Variants in FAM241A observed in about 807,000 individuals in gnomAD.
The protein encoded by FAM241A is family with sequence similarity 241 member A.
FAM241A carries 7 observed loss-of-function variants against 12.2 expected under a neutral mutation model. That is an observed-to-expected ratio of 0.58 (90% CI 0.33 to 1.08). The LOEUF (loss-of-function observed/expected upper bound fraction) is 1.08. Ranked by LOEUF, FAM241A falls within the 50% of genes least tolerant of loss-of-function variation. FAM241A has a pLI of 0.04. For synonymous variants in FAM241A, 74 were observed against 68.2 expected, an observed-to-expected ratio of 1.08 and a Z score of -0.42; for missense variants, 161 against 169.7, an observed-to-expected ratio of 0.95 and a Z score of 0.29.
chr4:112,179,928 T>C (rs1292513757), intron 1 of FAM241A, among the ~76,000 whole-genome samples: 3 of 127,956 alleles, frequency 2.3e-5, no homozygotes. Flanking sequence ...TATATATATA[T>C]ATATATATAT....
chr4:112,148,510 C>T (rs562285350), intron 1 of FAM241A, among the ~76,000 whole-genome samples: 1 of 152,138 alleles, frequency 6.6e-6, no homozygotes, highest in South Asian at 2.1e-4. Context: ...CCAGGTAGGG[C>T]GATTGACAAA....
chr4:112,166,853 G>T (rs906683784), intron 1 of FAM241A, among the ~76,000 whole-genome samples: 5 of 151,718 alleles, frequency 3.3e-5, no homozygotes, highest in African/African-American at 1.2e-4. Context: ...GGTGGCTCAC[G>T]CCTGTAATCC....
Position 112,186,947 on chromosome 4 carries a change from C to T in FAM241A, c.*9C>T, listed in dbSNP as rs769053933. The T allele has an allele frequency of 2.2e-5, 36 of 1,602,784 alleles. No individual in the cohort carries two copies. Among genetic ancestry groups the T allele is most frequent in the South Asian group, 3.3e-5 (3 of 89,602 alleles). On this transcript the variant is annotated 3_prime_UTR_variant, in exon 2 of 2. Transcript: ENST00000309733. ...TTTATGTGCAACAGTAAAACATGGC[C>T]GAATTGAATTGTTTGACATTTGGTA... is the stretch of plus-strand genomic sequence containing the variant.
chr4:112,181,669 T>G (rs991185529), intron 1 of FAM241A, among the ~76,000 whole-genome samples: 3 of 152,156 alleles, frequency 2.0e-5, no homozygotes, highest in African/African-American at 7.2e-5. Context: ...GAGGATGCCT[T>G]AACTAAGCAA....
intron 1 of FAM241A, among the ~76,000 whole-genome samples, chr4:112,186,146 T>C (rs1361309755): frequency 1.3e-5 from 2 of 152,022 alleles, no homozygotes; most frequent in East Asian, 1.9e-4. Flanking sequence ...TTTGGCCTTA[T>C]TGTAAAAAAA....
At chr4:112,180,896 T>A (rs1037830584) in intron 1 of FAM241A, among the ~76,000 whole-genome samples, 1 of 152,212 alleles carries the variant, frequency 6.6e-6, no homozygotes, top group Non-Finnish European at 1.5e-5. Context: ...AACCATTACC[T>A]TTATAATTCT....
Position 112,187,271 on chromosome 4 carries a change from T to G in FAM241A, c.*333T>G. The G allele has an allele frequency of 4.9e-6, 1 of 203,488 alleles. No individual in the cohort carries two copies. The highest frequency in any genetic ancestry group is 9.9e-6 in the Non-Finnish European group (1 of 101,518). 12.6% of individuals were successfully genotyped at this position (203,488 alleles called of 1,614,324 possible). On this transcript the variant is annotated 3_prime_UTR_variant, in exon 2 of 2. Coordinates refer to ENST00000309733, the MANE Select transcript of FAM241A (RefSeq NM_152400.3). ...AAAATAACAGGACATGGAATTCAAA[T>G]CAAGCAATATAGTTCTTATAAAGAG...
chr4:112,182,053 T>C (rs1016775101), intron 1 of FAM241A, among the ~76,000 whole-genome samples: 9 of 152,298 alleles, frequency 5.9e-5, no homozygotes, highest in Admixed American at 2.0e-4. Flanking sequence ...GAATAGTATA[T>C]ACACTTTAAA....
At position 112,188,625 on chromosome 4, in the gene FAM241A, A is replaced by C. The variant is rs1724093752; in HGVS notation, c.*1687A>C. 6.6e-6 allele frequency: 1 copy of C among 152,154 alleles called. No individual in the cohort carries two copies. Among genetic ancestry groups the C allele is most frequent in the Admixed American group, 6.5e-5 (1 of 15,282 alleles). The allele number at this position is 152,154 out of a possible 1,614,324, so 9.4% of individuals were successfully genotyped here. ...TGAAAAGGTGTTTTTATTAGTGCAC[A>C]ATAGAATTGTGAGGTTTTCAATAGA... On this transcript the variant is annotated 3_prime_UTR_variant, in exon 2 of 2. Transcript: ENST00000309733.
intron 1 of FAM241A, among the ~76,000 whole-genome samples, chr4:112,158,286 A>G (rs1255930831): frequency 6.6e-6 from 1 of 152,128 alleles, no homozygotes; most frequent in African/African-American, 2.4e-5. Context: ...TGCTCTAACA[A>G]TCTTGCCATA....
chr4:112,154,153 G>A (rs1227861817), intron 1 of FAM241A, among the ~76,000 whole-genome samples: 2 of 152,164 alleles, frequency 1.3e-5, no homozygotes, highest in East Asian at 3.8e-4. Flanking sequence ...AACAGCAGAA[G>A]CGAAATTTTC....
intron 1 of FAM241A, among the ~76,000 whole-genome samples, chr4:112,163,963 A>G (rs1191033647): frequency 6.6e-6 from 1 of 152,242 alleles, no homozygotes; most frequent in Admixed American, 6.5e-5. Context: ...TCTCCTTTGT[A>G]GGGACATGGA....
intron 1 of FAM241A, among the ~76,000 whole-genome samples, chr4:112,182,358 G>A (rs1723956701): frequency 6.6e-6 from 1 of 152,164 alleles, no homozygotes; most frequent in Admixed American, 6.5e-5. Context: ...GTTACTTGTA[G>A]TAGTTTTGTG....
chr4:112,174,879 C>T (rs111366810), intron 1 of FAM241A, among the ~76,000 whole-genome samples: 6 of 152,286 alleles, frequency 3.9e-5, no homozygotes, highest in African/African-American at 1.4e-4. Context: ...CTATTCTGAC[C>T]CCTTACTCCT....
At chr4:112,179,943 A>G (rs201995135) in intron 1 of FAM241A, among the ~76,000 whole-genome samples, 38 of 129,510 alleles carry the variant, frequency 2.9e-4, no homozygotes, top group East Asian at 4.9e-4. Context: ...ATATATGTAT[A>G]TGTGTGTGTG....
rs549829465 is a variant in FAM241A, at chr4:112,160,979, G to T, written c.153+15246G>T. ...TACTACAAGAAAACATTGGGGAAAAGCTCCAGGACATTAGTTTGGACAAAA... is the reference window on the plus strand; with the variant it reads ...TACTACAAGAAAACATTGGGGAAAATCTCCAGGACATTAGTTTGGACAAAA... On this transcript the variant is annotated intron_variant, in intron 1 of 1. Coordinates refer to ENST00000309733, the MANE Select transcript of FAM241A (RefSeq NM_152400.3). 8.5e-5 allele frequency among the ~76,000 whole-genome samples: 13 copies of T among 152,242 alleles called. No individual in the cohort carries two copies. The South Asian group carries it at 2.7e-3, about 32-fold the overall frequency.
chr4:112,150,624 T>C (rs1471520801), intron 1 of FAM241A, among the ~76,000 whole-genome samples: 2 of 148,730 alleles, frequency 1.3e-5, no homozygotes, highest in Non-Finnish European at 3.0e-5. Context: ...TGAGATGATC[T>C]GTAAAAAAGA....
At position 112,145,461 on chromosome 4, in the gene FAM241A, C is replaced by T. The variant is rs183772166; in HGVS notation, c.-120C>T. 13 of 1,017,010 alleles carry T rather than the reference C, an allele frequency of 1.3e-5. No individual in the cohort carries two copies. The highest frequency in any genetic ancestry group is 1.5e-5 in the Non-Finnish European group (12 of 806,740). The allele number at this position is 1,017,010 out of a possible 1,614,324, so 63.0% of individuals were successfully genotyped here. A position where few individuals can be genotyped will look rare whatever the true frequency, so the allele number is the denominator to read the frequency against. ...CCCAGGCCGGCGGGGCGCGCTCCGG[C>T]GGCTCCTGTCAGCGGCGGGTGCGGC... On this transcript the variant is annotated 5_prime_UTR_variant, in exon 1 of 2. Coordinates refer to ENST00000309733, the MANE Select transcript of FAM241A (RefSeq NM_152400.3).
At chr4:112,173,644 T>G (rs1723767050) in intron 1 of FAM241A, among the ~76,000 whole-genome samples, 2 of 152,202 alleles carry the variant, frequency 1.3e-5, no homozygotes, top group Admixed American at 6.5e-5. Context: ...CCTGATTAAA[T>G]GGATCCTTAT....
Sources: allele counts gnomAD v4.1 joint callset (sites outside exome capture counted in the v4.1 genomes callset), GRCh38; gene constraint gnomAD v4.1.1; transcripts MANE v1.5; gene names NCBI Gene and HGNC (gene_info 2026-07-23, HGNC 2026-07-21).